The following GMDS variants were observed in gnomAD, a reference collection of about 807,000 sequenced individuals.
GMDS encodes GDP-mannose 4,6-dehydratase.
A neutral mutation model predicts 49.9 loss-of-function variants in GMDS; 20 were observed. That is an observed-to-expected ratio of 0.40 (90% CI 0.28 to 0.58). The LOEUF (loss-of-function observed/expected upper bound fraction) is 0.58. GMDS is among the 20% of genes least tolerant of loss of function. The pLI is 0.42. For synonymous variants in GMDS, 177 were observed against 178.6 expected (o/e 0.99, Z 0.07); for missense variants, 362 against 481.4 (o/e 0.75, Z 2.32).
chr6:1,972,875 A>C (rs1764698561), intron 4 of GMDS, among the ~76,000 whole-genome samples: 2 of 152,202 alleles, frequency 1.3e-5, no homozygotes, highest in Admixed American at 6.5e-5. Flanking sequence ...ACAGATTAAG[A>C]GTCAGTTTCC....
intron 4 of GMDS, among the ~76,000 whole-genome samples, chr6:2,114,566 G>A (rs1237682697): frequency 6.6e-6 from 1 of 152,204 alleles, no homozygotes; most frequent in Non-Finnish European, 1.5e-5. Flanking sequence ...ACCTTTCACA[G>A]ACTTTGGTGA....
intron 6 of GMDS, among the ~76,000 whole-genome samples, chr6:1,948,056 G>A (rs1352348919): frequency 6.6e-6 from 1 of 152,060 alleles, no homozygotes; most frequent in Non-Finnish European, 1.5e-5. Context: ...TCACTTCCAC[G>A]ATTTCCTTTA....
At chr6:1,870,357 T>A (rs1758668484) in intron 7 of GMDS, among the ~76,000 whole-genome samples, 1 of 152,180 alleles carries the variant, frequency 6.6e-6, no homozygotes, top group Non-Finnish European at 1.5e-5. Context: ...TCATCCAGCT[T>A]GTACTTTCAG....
intron 7 of GMDS, among the ~76,000 whole-genome samples, chr6:1,824,458 T>A (rs749419064): frequency 1.7e-4 from 26 of 152,128 alleles, no homozygotes; most frequent in Non-Finnish European, 3.1e-4. Context: ...CCTGAATACG[T>A]CCACACTTTT....
At chr6:2,195,063 T>G (rs1014903398) in intron 1 of GMDS, among the ~76,000 whole-genome samples, 2 of 152,214 alleles carry the variant, frequency 1.3e-5, no homozygotes, top group African/African-American at 4.8e-5. Context: ...CTGAGGTAAT[T>G]ATACACACAT....
chr6:1,885,270 G>C (rs1759548171), intron 7 of GMDS, among the ~76,000 whole-genome samples: 1 of 152,134 alleles, frequency 6.6e-6, no homozygotes, highest in Admixed American at 6.6e-5. Context: ...CCATGTTACA[G>C]AGATAAATAT....
At chr6:1,625,856 C>A (rs1353656961) in intron 9 of GMDS, among the ~76,000 whole-genome samples, 1 of 152,288 alleles carries the variant, frequency 6.6e-6, no homozygotes, top group African/African-American at 2.4e-5. Context: ...ATAAACCGAA[C>A]GCAAAGGCCG....
At chr6:2,059,752 A>G (rs1232289481) in intron 4 of GMDS, among the ~76,000 whole-genome samples, 3 of 144,076 alleles carry the variant, frequency 2.1e-5, no homozygotes, top group Non-Finnish European at 3.0e-5. Context: ...ACTCCTAAAG[A>G]AAAAAAAATG....
At chr6:1,757,775 T>G (rs1409463719) in intron 7 of GMDS, among the ~76,000 whole-genome samples, 1 of 152,198 alleles carries the variant, frequency 6.6e-6, no homozygotes, top group Non-Finnish European at 1.5e-5. Flanking sequence ...TTCAGGATTA[T>G]TCTAAAACAG....
chr6:1,895,206 G>C (rs1760092996), intron 7 of GMDS, among the ~76,000 whole-genome samples: 1 of 152,244 alleles, frequency 6.6e-6, no homozygotes, highest in South Asian at 2.1e-4. Context: ...CATGATTTTT[G>C]ATGACTGCCC....
intron 8 of GMDS, among the ~76,000 whole-genome samples, chr6:1,738,950 C>T (rs1767153474): frequency 1.3e-5 from 2 of 152,224 alleles, no homozygotes; most frequent in Non-Finnish European, 2.9e-5. Flanking sequence ...CTGCGGAAAT[C>T]AGGATGACAG....
intron 4 of GMDS, among the ~76,000 whole-genome samples, chr6:2,105,592 T>C (rs983072305): frequency 6.6e-6 from 1 of 152,220 alleles, no homozygotes; most frequent in African/African-American, 2.4e-5. Flanking sequence ...TAAAGACTGG[T>C]TATTTACCAT....
intron 4 of GMDS, among the ~76,000 whole-genome samples, chr6:2,071,681 A>AT (rs1413770509): frequency 6.9e-6 from 1 of 143,908 alleles, no homozygotes; most frequent in South Asian, 2.2e-4. Context: ...GATACTTCAC[A>AT]TTTAAAAAAA....
chr6:1,818,824 T>C (rs1770775472), intron 7 of GMDS, among the ~76,000 whole-genome samples: 1 of 152,076 alleles, frequency 6.6e-6, no homozygotes, highest in South Asian at 2.1e-4. Flanking sequence ...GATCCCAGGT[T>C]TAAACTCCAG....
chr6:1,914,128 TTTG>T (rs1469177307), intron 7 of GMDS, among the ~76,000 whole-genome samples: 9 of 128,540 alleles, frequency 7.0e-5, no homozygotes, highest in African/African-American at 2.9e-4. Context: ...GCGTTTTTTG[TTTG>T]TTTTTTTTTT....
intron 9 of GMDS, among the ~76,000 whole-genome samples, chr6:1,723,700 T>C (rs1306288743): frequency 6.6e-6 from 1 of 152,048 alleles, no homozygotes; most frequent in Non-Finnish European, 1.5e-5. Flanking sequence ...TGACCTAAGC[T>C]GATCGGTGAA....
intron 4 of GMDS, among the ~76,000 whole-genome samples, chr6:2,078,453 TG>T (rs1772475975): frequency 6.6e-6 from 1 of 152,134 alleles, no homozygotes; most frequent in Non-Finnish European, 1.5e-5. Flanking sequence ...CCACAGGTTT[TG>T]GTATGTTGTG....
At chr6:2,237,864 T>C (rs1781436609) in intron 1 of GMDS, among the ~76,000 whole-genome samples, 1 of 151,740 alleles carries the variant, frequency 6.6e-6, no homozygotes. Flanking sequence ...AATCAACAAA[T>C]AAATAAAGGA....
chr6:1,718,038 T>C (rs942167215), intron 9 of GMDS, among the ~76,000 whole-genome samples: 1 of 152,222 alleles, frequency 6.6e-6, no homozygotes, highest in African/African-American at 2.4e-5. Context: ...TTAGTTTGTG[T>C]ATGCTGTGAA....
Sources: gnomAD v4.1 joint callset for allele counts (sites outside exome capture counted in the v4.1 genomes callset) on GRCh38, gnomAD v4.1.1 for gene constraint, MANE v1.5 for transcripts, NCBI Gene and HGNC (gene_info 2026-07-23, HGNC 2026-07-21) for gene names.